Variants in RASGRF2 observed in about 807,000 individuals in gnomAD.
RASGRF2 encodes Ras protein specific guanine nucleotide releasing factor 2.
Under a neutral mutation model 151.0 loss-of-function variants are expected in RASGRF2, and 76 were observed. The ratio of observed to expected loss-of-function variants is 0.50; its 90% CI spans 0.42 to 0.61. The LOEUF (loss-of-function observed/expected upper bound fraction) is 0.61, where lower values mean the gene tolerates loss of function less well. Among genes scored for constraint, RASGRF2 ranks in the 20% least tolerant of loss-of-function variants. The probability of loss-of-function intolerance (pLI) is 0.00; values close to 1 mark genes in which losing one functional copy is unlikely to be tolerated. For synonymous variants in RASGRF2, 504 were observed against 566.5 expected, an observed-to-expected ratio of 0.89 and a Z score of 1.57; for missense variants, 1,148 against 1,564.6, an observed-to-expected ratio of 0.73 and a Z score of 4.49.
chr5:81,012,750 A>T (rs1280752426), intron 1 of RASGRF2, among the ~76,000 whole-genome samples: 1 of 151,906 alleles, frequency 6.6e-6, no homozygotes, highest in Non-Finnish European at 1.5e-5. Context: ...GCGAACACTT[A>T]TTGCTGTCTA....
chr5:81,218,038 G>A (rs1755781869), intron 25 of RASGRF2, among the ~76,000 whole-genome samples: 1 of 151,998 alleles, frequency 6.6e-6, no homozygotes. Flanking sequence ...TACCGCACCT[G>A]GCGACCAGCT....
Position 81,070,548 on chromosome 5 carries a change from A to G in RASGRF2, c.600A>G (p.Glu200=). Residue 200 remains glutamate (E), a synonymous_variant, in exon 4 of 27, where the codon GAA becomes GAG. Transcript: ENST00000265080. ...ERMRPYQSNQ[E]DEDPDIKKIK... ...TGCGACCTTACCAAAGCAACCAAGA[A>G]GACGAAGATCCAGACATCAAGAAGA... The G allele has an allele frequency of 6.2e-7, 1 of 1,611,132 alleles. No individual in the cohort carries two copies. The highest frequency in any genetic ancestry group is 8.5e-7 in the Non-Finnish European group (1 of 1,177,264).
chr5:81,030,783 C>G (rs1259356970), intron 1 of RASGRF2, among the ~76,000 whole-genome samples: 1 of 152,292 alleles, frequency 6.6e-6, no homozygotes, highest in South Asian at 2.1e-4. Flanking sequence ...ATGACAGGAT[C>G]AGATTCACAC....
At chr5:81,178,886 C>A (rs1159346083) in intron 17 of RASGRF2, among the ~76,000 whole-genome samples, 1 of 152,148 alleles carries the variant, frequency 6.6e-6, no homozygotes, top group Non-Finnish European at 1.5e-5. Context: ...CTACAGGCGC[C>A]CGCCACCACG....
intron 22 of RASGRF2, among the ~76,000 whole-genome samples, chr5:81,211,604 T>C (rs534578993): frequency 3.7e-4 from 57 of 152,350 alleles, no homozygotes; most frequent in Non-Finnish European, 6.9e-4. Context: ...TATGAGATCT[T>C]AAGTGTCTTC....
intron 21 of RASGRF2, among the ~76,000 whole-genome samples, chr5:81,207,652 G>T (rs1371699288): frequency 6.6e-6 from 1 of 152,236 alleles, no homozygotes; most frequent in South Asian, 2.1e-4. Flanking sequence ...CATCTCACTT[G>T]TCCCTTGTTT....
chr5:81,030,608 T>G (rs1750205217), intron 1 of RASGRF2, among the ~76,000 whole-genome samples: 1 of 152,062 alleles, frequency 6.6e-6, no homozygotes, highest in South Asian at 2.1e-4. Flanking sequence ...GCTGAGAGAT[T>G]TTGTCACCAC....
At position 81,212,482 on chromosome 5, in the gene RASGRF2, C is replaced by T. The variant is rs145905719; in HGVS notation, c.3273C>T (p.Asn1091=). The T allele has an allele frequency of 3.7e-5, 60 of 1,613,826 alleles. No homozygotes were observed. In the African/African-American group the frequency reaches 4.1e-4, roughly 11 times the overall value. ...ADICRCLHNY[N]GVLEITSALN... is the part of the protein sequence containing the mutation. ...TCTGCCGATGCCTGCACAACTACAA[C>T]GGCGTGCTGGAGATCACCTCGGCCT... The change falls in exon 23 of 27, where the codon AAC becomes AAT. Residue 1091 remains asparagine, a synonymous_variant. Transcript: ENST00000265080.
chr5:80,962,375 A>T (rs2112199090), intron 1 of RASGRF2, among the ~76,000 whole-genome samples: 1 of 152,040 alleles, frequency 6.6e-6, no homozygotes, highest in South Asian at 2.1e-4. Flanking sequence ...TTGGGAGAAG[A>T]GTTTTGAGGA....
chr5:81,080,066 A>G, intron 5 of RASGRF2, 55 bp from the exon 6 acceptor site: 1 of 1,555,892 alleles, frequency 6.4e-7, no homozygotes, highest in Non-Finnish European at 8.6e-7. Flanking sequence ...CTGGATTTTA[A>G]ACAAAATAAA....
chr5:81,163,534 C>T (rs528642999), intron 17 of RASGRF2, among the ~76,000 whole-genome samples: 12 of 152,166 alleles, frequency 7.9e-5, no homozygotes, highest in African/African-American at 2.9e-4. Context: ...CTGCAGACCC[C>T]CCAAACTCAC....
intron 17 of RASGRF2, among the ~76,000 whole-genome samples, chr5:81,150,657 C>T (rs1046860509): frequency 2.0e-5 from 3 of 152,166 alleles, no homozygotes; most frequent in Non-Finnish European, 4.4e-5. Context: ...CACATACACA[C>T]ACACAAGCAC....
chr5:81,209,630 G>T (rs1449377107), intron 22 of RASGRF2, among the ~76,000 whole-genome samples: 1 of 152,162 alleles, frequency 6.6e-6, no homozygotes, highest in African/African-American at 2.4e-5. Flanking sequence ...CAAGGGCATG[G>T]CCCATCTAGT....
chr5:80,961,172 C>T, intron 1 of RASGRF2, 146 bp downstream of exon 1: 2 of 905,436 alleles, frequency 2.2e-6, no homozygotes, highest in Non-Finnish European at 3.1e-6. Flanking sequence ...GGCGGGACAT[C>T]TCCACGCTCC....
At chr5:81,042,137 T>A (rs1009635795) in intron 1 of RASGRF2, among the ~76,000 whole-genome samples, 2 of 152,188 alleles carry the variant, frequency 1.3e-5, no homozygotes, top group Non-Finnish European at 2.9e-5. Context: ...GAATAAGGCT[T>A]ATATGAGAGA....
At chr5:81,111,543 CAT>C (rs1752993923) in intron 13 of RASGRF2, among the ~76,000 whole-genome samples, 1 of 152,026 alleles carries the variant, frequency 6.6e-6, no homozygotes, top group African/African-American at 2.4e-5. Context: ...AAAAACATAA[CAT>C]GTCACACTTG....
intron 18 of RASGRF2, among the ~76,000 whole-genome samples, chr5:81,192,156 C>G (rs561095597): frequency 7.2e-5 from 11 of 152,196 alleles, no homozygotes; most frequent in Non-Finnish European, 1.2e-4. Context: ...GAGCAAGGCA[C>G]AGAGCTTACC....
chr5:81,007,101 G>A (rs1009202823), intron 1 of RASGRF2, among the ~76,000 whole-genome samples: 2 of 152,040 alleles, frequency 1.3e-5, no homozygotes, highest in Non-Finnish European at 2.9e-5. Flanking sequence ...GCCTGCCTCC[G>A]TACACATTTA....
Position 81,098,401 on chromosome 5 carries a change from TG to T in RASGRF2, c.1755+3412del, listed in dbSNP as rs376495896. On this transcript the variant is annotated intron_variant, in intron 12 of 26. Coordinates refer to ENST00000265080, the MANE Select transcript of RASGRF2 (RefSeq NM_006909.3). ...TCCGGGTAGGAGATACTGCATCATT[TG>T]GGTGGTATTTAAGGCTGTGAGACTG... 2.6e-3 allele frequency among the ~76,000 whole-genome samples: 390 copies of T among 152,206 alleles called. 2 individuals are homozygous for T. Among genetic ancestry groups the T allele is most frequent in the African/African-American group, 9.0e-3 (375 of 41,514 alleles).
Sources: allele counts gnomAD v4.1 joint callset (sites outside exome capture counted in the v4.1 genomes callset), GRCh38; gene constraint gnomAD v4.1.1; transcripts MANE v1.5; gene names NCBI Gene and HGNC (gene_info 2026-07-23, HGNC 2026-07-21).